Variants in ZNF385D observed in about 807,000 individuals in gnomAD.
The protein encoded by ZNF385D is zinc finger protein 385D, also known as zinc finger protein 659.
A neutral mutation model predicts 35.8 loss-of-function variants in ZNF385D; 15 were observed. That is an observed-to-expected ratio of 0.42 (90% CI 0.28 to 0.64). The LOEUF is 0.64. Among genes scored for constraint, ZNF385D ranks in the 30% least tolerant of loss-of-function variants. The probability of loss-of-function intolerance (pLI) is 0.23; values close to 1 mark genes in which losing one functional copy is unlikely to be tolerated. For missense variants in ZNF385D, 474 were observed against 494.6 expected, an observed-to-expected ratio of 0.96 and a Z score of 0.39; for synonymous variants, 212 against 186.8, an observed-to-expected ratio of 1.13 and a Z score of -1.10.
intron 3 of ZNF385D, among the ~76,000 whole-genome samples, chr3:22,024,661 A>G (rs1697429215): frequency 6.6e-6 from 1 of 152,182 alleles, no homozygotes; most frequent in Admixed American, 6.6e-5. Context: ...TGAACTGTTT[A>G]GAGAGTTATG....
chr3:21,666,237 C>A (rs1053187960), intron 1 of ZNF385D, among the ~76,000 whole-genome samples: 1 of 152,126 alleles, frequency 6.6e-6, no homozygotes, highest in Non-Finnish European at 1.5e-5. Flanking sequence ...AATGATTCCC[C>A]AATGATAAAT....
At chr3:22,371,821 T>G (rs1168163446) in intron 2 of ZNF385D, among the ~76,000 whole-genome samples, 1 of 152,114 alleles carries the variant, frequency 6.6e-6, no homozygotes, top group African/African-American at 2.4e-5. Flanking sequence ...AACCCCACCC[T>G]AAATGTCAAA....
rs185734040 is a variant in ZNF385D, at chr3:21,968,122, G to C, written c.325+200695C>G. On this transcript the variant is annotated intron_variant, in intron 3 of 5. Transcript: ENST00000494108. ...TTGAGGGAGAGAGAGGAAAGGGATT[G>C]TGGGACTTCACATTGGAATTCAGTG... Among the ~76,000 whole-genome samples the C allele has an allele frequency of 2.6e-3, 395 of 152,266 alleles. 2 individuals carry two copies. Among genetic ancestry groups the C allele is most frequent in the African/African-American group, 9.1e-3 (379 of 41,558 alleles).
intron 3 of ZNF385D, among the ~76,000 whole-genome samples, chr3:21,816,421 C>G (rs915234784): frequency 1.3e-5 from 2 of 152,112 alleles, no homozygotes; most frequent in Non-Finnish European, 2.9e-5. Context: ...GATTGTATAT[C>G]TAGAAAACCC....
intron 3 of ZNF385D, among the ~76,000 whole-genome samples, chr3:21,962,336 C>G (rs551420132): frequency 6.6e-6 from 1 of 152,176 alleles, no homozygotes; most frequent in African/African-American, 2.4e-5. Flanking sequence ...TCAATGGAAA[C>G]AACAGGGGAT....
At chr3:21,498,945 C>CAAAAAAAAAAAAAA (rs35511402) in intron 4 of ZNF385D, among the ~76,000 whole-genome samples, 3 of 64,264 alleles carry the variant, frequency 4.7e-5, no homozygotes, top group Admixed American at 2.4e-4. Flanking sequence ...GACTCCATCT[C>CAAAAAAAAAAAAAA]AAAAAAAAAA....
chr3:22,226,283 A>T (rs914232552), intron 2 of ZNF385D, among the ~76,000 whole-genome samples: 40 of 152,248 alleles, frequency 2.6e-4, no homozygotes, highest in African/African-American at 9.4e-4. Context: ...CAACAGAGAT[A>T]AACGCACTTG....
At chr3:22,322,642 T>A (rs368403341) in intron 2 of ZNF385D, among the ~76,000 whole-genome samples, 1 of 152,358 alleles carries the variant, frequency 6.6e-6, no homozygotes, top group South Asian at 2.1e-4. Flanking sequence ...CTCTCCCATC[T>A]GTTCTATTAT....
At chr3:22,280,749 C>T (rs947522144) in intron 2 of ZNF385D, among the ~76,000 whole-genome samples, 13 of 152,106 alleles carry the variant, frequency 8.5e-5, no homozygotes, top group African/African-American at 2.6e-4. Flanking sequence ...GCTATGCAGG[C>T]ACTTTTTTGG....
chr3:22,243,202 T>TA lies in ZNF385D; in HGVS notation c.107-74168dup, dbSNP rs1357587325. On this transcript the variant is annotated intron_variant, in intron 2 of 5. Transcript: ENST00000494108. ...TAATAAAAAAACAAACAGCCCAATT[T>TA]AAAAAAATGGGCAAGTGAAAGGAAT... Among the ~76,000 whole-genome samples the TA allele has an allele frequency of 2.1e-4, 32 of 150,496 alleles. 2 individuals carry two copies. The highest frequency in any genetic ancestry group is 6.6e-4 in the African/African-American group (27 of 40,668).
chr3:21,428,857 C>T (rs1393162013), intron 5 of ZNF385D, among the ~76,000 whole-genome samples: 1 of 149,178 alleles, frequency 6.7e-6, no homozygotes, highest in Non-Finnish European at 1.5e-5. Context: ...TCACCTGAAG[C>T]TTCATGATTT....
At chr3:21,596,629 A>G (rs927887615) in intron 2 of ZNF385D, among the ~76,000 whole-genome samples, 1 of 146,122 alleles carries the variant, frequency 6.8e-6, no homozygotes, top group Non-Finnish European at 1.5e-5. Context: ...TACAGGCAAC[A>G]TCATGCTTGA....
chr3:21,718,642 C>G (rs1382349250), intron 1 of ZNF385D, among the ~76,000 whole-genome samples: 5 of 152,158 alleles, frequency 3.3e-5, no homozygotes, highest in Non-Finnish European at 7.3e-5. Context: ...TTGTTAGTGG[C>G]AAAGCTTGGA....
intron 4 of ZNF385D, among the ~76,000 whole-genome samples, chr3:21,496,473 TA>T (rs1292320123): frequency 6.7e-4 from 65 of 96,912 alleles, no homozygotes; most frequent in East Asian, 1.7e-3. Context: ...ATCATATATA[TA>T]CATATATACA....
At chr3:22,006,491 G>GTA (rs1696211260) in intron 3 of ZNF385D, among the ~76,000 whole-genome samples, 1 of 151,826 alleles carries the variant, frequency 6.6e-6, no homozygotes, top group Non-Finnish European at 1.5e-5. Context: ...CAAATGATTT[G>GTA]GAATAATTAT....
chr3:21,562,428 T>C (rs1464526615), intron 3 of ZNF385D, among the ~76,000 whole-genome samples: 2 of 152,036 alleles, frequency 1.3e-5, no homozygotes, highest in Non-Finnish European at 2.9e-5. Flanking sequence ...GGTAAGTGAC[T>C]CATCACTGGG....
intron 3 of ZNF385D, among the ~76,000 whole-genome samples, chr3:21,905,833 C>G (rs1699658937): frequency 1.3e-5 from 2 of 151,954 alleles, no homozygotes; most frequent in South Asian, 2.1e-4. Flanking sequence ...TTATATGTAC[C>G]TGACAATTAT....
At chr3:21,630,730 GA>G in intron 2 of ZNF385D, among the ~76,000 whole-genome samples, 1 of 152,198 alleles carries the variant, frequency 6.6e-6, no homozygotes, top group Admixed American at 6.5e-5. Context: ...AATGTGGAAT[GA>G]AAAGTCCTCT....
chr3:22,213,410 A>G (rs1576505187), intron 2 of ZNF385D, among the ~76,000 whole-genome samples: 1 of 152,250 alleles, frequency 6.6e-6, no homozygotes, highest in Admixed American at 6.6e-5. Flanking sequence ...GATCTAAAGC[A>G]GAGTGATTGG....
Sources: allele counts gnomAD v4.1 joint callset (sites outside exome capture counted in the v4.1 genomes callset), GRCh38; gene constraint gnomAD v4.1.1; transcripts MANE v1.5; gene names NCBI Gene and HGNC (gene_info 2026-07-23, HGNC 2026-07-21).